The following MED16 variants were observed in gnomAD, a reference collection of about 807,000 sequenced individuals.
MED16 encodes the protein mediator of RNA polymerase II transcription subunit 16.
Under a neutral mutation model 84.4 loss-of-function variants are expected in MED16, and 81 were observed. That is an observed-to-expected ratio of 0.96 (90% CI 0.80 to 1.15). The LOEUF is 1.15. Among genes scored for constraint, MED16 ranks in the 50% most tolerant of loss-of-function variants. The pLI, the probability that MED16 is intolerant of heterozygous loss-of-function variation, is 0.00. For missense variants in MED16, 1,585 were observed against 1,245.9 expected (o/e 1.27, Z -4.10); for synonymous variants, 897 against 552.2 (o/e 1.62, Z -8.76).
intron 11 of MED16, 82 bp from the exon 12 acceptor site, chr19:872,200 CCCGA>C: frequency 8.1e-7 from 1 of 1,236,536 alleles, no homozygotes; most frequent in Non-Finnish European, 1.1e-6. Flanking sequence ...TCGGTGGAAC[CCCGA>C]CCGGGGGGCA....
At position 879,974 on chromosome 19, in the gene MED16, G is replaced by A. The variant is rs776618063; in HGVS notation, c.1316C>T (p.Thr439Met). 21 of 1,604,796 alleles carry A rather than the reference G, an allele frequency of 1.3e-5. No homozygotes were observed. In the South Asian group the frequency reaches 1.7e-4, roughly 13 times the overall value. Residue 439 changes from threonine (T) to methionine (M), a missense_variant, in exon 8 of 16, where the codon ACG becomes ATG. Coordinates refer to ENST00000325464, the MANE Select transcript of MED16 (RefSeq NM_005481.3). Reference sequence around the variant, plus strand: ...GTCAATCCCCACCAGGGCCAGTGACGTCCACGATAGCTGCATAGCCTTTAA... The same window carrying A: ...GTCAATCCCCACCAGGGCCAGTGACATCCACGATAGCTGCATAGCCTTTAA... ...VHLKAMQLSW[T>M]SLALVGIDSH...
At chr19:884,122 C>T (rs1272224254) in intron 6 of MED16, among the ~76,000 whole-genome samples, 1 of 152,188 alleles carries the variant, frequency 6.6e-6, no homozygotes, top group Non-Finnish European at 1.5e-5. Context: ...CCACGTCTGG[C>T]CACTCCAGGG....
intron 4 of MED16, among the ~76,000 whole-genome samples, chr19:887,900 C>T (rs113015819): frequency 0.018 from 2,763 of 151,544 alleles, 72 homozygotes; most frequent in African/African-American, 0.063. Flanking sequence ...GTTTCCTTTT[C>T]GGGTGATGAG....
chr19:885,061 C>A lies in MED16; in HGVS notation c.880-53G>T, dbSNP rs374697348. 4.7e-4 allele frequency: 656 copies of A among 1,408,326 alleles called. 6 individuals are homozygous for A. In the South Asian group the frequency reaches 6.5e-3, roughly 14 times the overall value. 87.2% of individuals were successfully genotyped at this position (1,408,326 alleles called of 1,614,324 possible). A position where few individuals can be genotyped will look rare whatever the true frequency, so the allele number is the denominator to read the frequency against. On this transcript the variant is annotated intron_variant, in intron 5 of 15. Transcript: ENST00000325464. ...ACCCGGCACTGCTGTGGTGGCCACG[C>A]CACCACCGGAGCCTGAGCTGCGGGA...
In MED16 at chr19:868,048, C is replaced by A; in HGVS notation, c.*53G>T. 2 of 1,550,610 alleles carry A rather than the reference C, an allele frequency of 1.3e-6. No individual in the cohort carries two copies. The highest frequency in any genetic ancestry group is 1.7e-6 in the Non-Finnish European group (2 of 1,155,298). On this transcript the variant is annotated 3_prime_UTR_variant, in exon 16 of 16. Coordinates refer to ENST00000325464, the MANE Select transcript of MED16 (RefSeq NM_005481.3). Reference sequence around the variant, plus strand: ...GCTCTCCGCGGGTGAGGCAAGGAAACCGAGGAGACGCCCGAGCCGGGTCAC... The same window carrying A: ...GCTCTCCGCGGGTGAGGCAAGGAAAACGAGGAGACGCCCGAGCCGGGTCAC...
intron 8 of MED16, among the ~76,000 whole-genome samples, chr19:879,606 T>C (rs1305285799): frequency 2.6e-5 from 3 of 114,252 alleles, no homozygotes; most frequent in African/African-American, 1.0e-4. Flanking sequence ...CCCGTGGTTG[T>C]CAATGCCCCC....
chr19:874,488 G>A (rs911300106), intron 10 of MED16, among the ~76,000 whole-genome samples: 10 of 152,040 alleles, frequency 6.6e-5, no homozygotes, highest in South Asian at 6.2e-4. Flanking sequence ...AGGCAGAGGC[G>A]AGTAGGACAC....
chr19:888,048 CA>C (rs1439724570), intron 4 of MED16, among the ~76,000 whole-genome samples: 3 of 150,762 alleles, frequency 2.0e-5, no homozygotes, highest in Non-Finnish European at 4.4e-5. Flanking sequence ...ACTAAAAATA[CA>C]AAAAAGCAGC....
intron 1 of MED16, among the ~76,000 whole-genome samples, chr19:891,590 G>A (rs912723372): frequency 4.6e-5 from 7 of 151,636 alleles, no homozygotes; most frequent in African/African-American, 1.7e-4. Flanking sequence ...CCGAGGCGGG[G>A]CTGAGTGACA....
At position 868,238 on chromosome 19, in the gene MED16, G is replaced by C. The variant is rs372311899; in HGVS notation, c.2497C>G (p.Arg833Gly). 1.3e-6 allele frequency: 2 copies of C among 1,596,008 alleles called. No individual in the cohort carries two copies. The highest frequency in any genetic ancestry group is 1.8e-5 in the Admixed American group (1 of 56,868). ...CTGGTCACGCAGGCGTCCGGCCCAC[G>C]GCCTTCAACAGCCCTGCAGGGCGGG... ...WIKNCLAVEGRGPDACVTSRA... is the reference protein window; with the variant it reads ...WIKNCLAVEGGGPDACVTSRA... Residue 833 changes from arginine to glycine, a missense_variant, in exon 16 of 16, where the codon CGT becomes GGT. Coordinates refer to ENST00000325464, the MANE Select transcript of MED16 (RefSeq NM_005481.3).
At chr19:873,665 G>A in intron 10 of MED16, 83 bp from the exon 11 acceptor site, 5 of 1,504,336 alleles carry the variant, frequency 3.3e-6, no homozygotes, top group Non-Finnish European at 4.5e-6. Flanking sequence ...CCTTCGACCT[G>A]CACTGAGTGC....
At chr19:871,389 C>G (rs1004386572) in intron 12 of MED16, 136 bp from the exon 13 acceptor site, 4 of 1,305,808 alleles carry the variant, frequency 3.1e-6, no homozygotes, top group South Asian at 2.9e-5. Flanking sequence ...TGGGTGACCC[C>G]GGGGTTCTCT....
In MED16 at chr19:868,146, C is replaced by A. The variant is rs1275024361; in HGVS notation, c.2589G>T (p.Arg863Ser). 6.2e-6 allele frequency: 10 copies of A among 1,611,662 alleles called. No individual in the cohort carries two copies. In the South Asian group the frequency reaches 8.8e-5, roughly 14 times the overall value. Reference sequence around the variant, plus strand: ...GCAGATGGTCCAGGGATCTGGGGGTCCTGGGAGAGTGGTGTGTGGACTGCG... The same window carrying A: ...GCAGATGGTCCAGGGATCTGGGGGTACTGGGAGAGTGGTGTGTGGACTGCG... ...LGPQSTHHSPRTPRSLDHLHP... is the reference protein window; with the variant it reads ...LGPQSTHHSPSTPRSLDHLHP... Residue 863 changes from arginine to serine, a missense_variant, in exon 16 of 16, where the codon AGG becomes AGT. By Grantham distance (110) the Arg-to-Ser change is moderately radical. Coordinates refer to ENST00000325464, the MANE Select transcript of MED16 (RefSeq NM_005481.3).
At chr19:871,381 G>A (rs2036050122) in intron 12 of MED16, 128 bp from the exon 13 acceptor site, 3 of 1,312,790 alleles carry the variant, frequency 2.3e-6, no homozygotes, top group Non-Finnish European at 2.1e-6. Context: ...TGCCTGGCTG[G>A]GTGACCCCGG....
chr19:881,410 C>T, intron 7 of MED16, 149 bp downstream of exon 7: 1 of 870,696 alleles, frequency 1.1e-6, no homozygotes, highest in South Asian at 2.3e-5. Flanking sequence ...CATCAGAACC[C>T]AGAAGGCTGA....
chr19:891,215 G>C (rs1568334748), intron 1 of MED16, 66 bp from the exon 2 acceptor site: 14 of 1,468,956 alleles, frequency 9.5e-6, no homozygotes, highest in Non-Finnish European at 8.3e-6. Flanking sequence ...GGAGTGCCAG[G>C]CCAGAAGTGG....
At chr19:876,526 T>G (rs1027309231) in intron 9 of MED16, among the ~76,000 whole-genome samples, 1 of 152,088 alleles carries the variant, frequency 6.6e-6, no homozygotes, top group Non-Finnish European at 1.5e-5. Context: ...AGGCCTTACC[T>G]GTGGGGCTTA....
chr19:889,051 TCCCC>T (rs143513224), intron 4 of MED16, among the ~76,000 whole-genome samples: 3 of 90,188 alleles, frequency 3.3e-5, no homozygotes, highest in African/African-American at 1.3e-4. Context: ...CTCTTAACTG[TCCCC>T]CCCAACCCTG....
Position 880,017 on chromosome 19 carries a change from C to G in MED16, c.1273G>C (p.Ala425Pro), listed in dbSNP as rs771718305. ...GCCTTTAAGTGGACGGCGGGGCCCGCGGTGCGGGGGCGCTTCATGGCCGGC... is the reference window on the plus strand; with the variant it reads ...GCCTTTAAGTGGACGGCGGGGCCCGGGGTGCGGGGGCGCTTCATGGCCGGC... ...DEPAMKRPRT[A>P]GPAVHLKAMQ... The change falls in exon 8 of 16, where the codon GCG becomes CCG. Residue 425 changes from alanine to proline, a missense_variant. Coordinates refer to ENST00000325464, the MANE Select transcript of MED16 (RefSeq NM_005481.3). 5 of 1,610,278 alleles carry G rather than the reference C, an allele frequency of 3.1e-6. No homozygotes were observed. Among genetic ancestry groups the G allele is most frequent in the Non-Finnish European group, 4.2e-6 (5 of 1,178,776 alleles).
Sources: allele counts gnomAD v4.1 joint callset (sites outside exome capture counted in the v4.1 genomes callset), GRCh38; gene constraint gnomAD v4.1.1; transcripts MANE v1.5; gene names NCBI Gene and HGNC (gene_info 2026-07-23, HGNC 2026-07-21).